Variants in FARP2 observed in about 807,000 individuals in gnomAD.
The protein encoded by FARP2 is FERM, ARHGEF and pleckstrin domain-containing protein 2.
In FARP2, 111 loss-of-function variants were observed where a neutral mutation model predicts 130.5. The ratio of observed to expected loss-of-function variants is 0.85; its 90% confidence interval spans 0.73 to 1.00. The LOEUF (loss-of-function observed/expected upper bound fraction) is 1.00. FARP2 is among the 50% of genes least tolerant of loss of function. FARP2 has a pLI of 0.00. For missense variants in FARP2, 1,385 were observed against 1,346.3 expected (o/e 1.03, Z -0.45); for synonymous variants, 504 against 516.9 (o/e 0.98, Z 0.34).
chr2:241,476,175 C>A (rs531923121), intron 19 of FARP2, among the ~76,000 whole-genome samples, 188 bp downstream of exon 19: 1 of 144,058 alleles, frequency 6.9e-6, no homozygotes, highest in Admixed American at 7.1e-5. Flanking sequence ...GAGTTCAAGA[C>A]CAGACTGAGC....
intron 8 of FARP2, among the ~76,000 whole-genome samples, chr2:241,425,385 T>C (rs1409564816): frequency 6.6e-6 from 1 of 151,500 alleles, no homozygotes; most frequent in Non-Finnish European, 1.5e-5. Context: ...ATCATCAGAG[T>C]GAACAGACAA....
At chr2:241,421,662 G>A (rs919188167) in intron 8 of FARP2, among the ~76,000 whole-genome samples, 1 of 152,184 alleles carries the variant, frequency 6.6e-6, no homozygotes, top group Non-Finnish European at 1.5e-5. Flanking sequence ...CTCCTGACTG[G>A]GTGAGCCACC....
At chr2:241,493,666 C>T in intron 26 of FARP2, 1 of 572,958 alleles carries the variant, frequency 1.7e-6, no homozygotes. Context: ...ACAATCTTGG[C>T]TCACTATAAC....
At chr2:241,368,624 A>T (rs7560216) in intron 1 of FARP2, among the ~76,000 whole-genome samples, 117,921 of 151,994 alleles carry the variant, frequency 0.78, 46,015 homozygotes, top group Middle Eastern at 0.85. Flanking sequence ...ACCTGCCGGT[A>T]TTCTATTAAT....
At chr2:241,381,584 C>T (rs1466158812) in intron 2 of FARP2, among the ~76,000 whole-genome samples, 1 of 152,176 alleles carries the variant, frequency 6.6e-6, no homozygotes, top group Non-Finnish European at 1.5e-5. Context: ...TGGCACTTCA[C>T]TTCTGGGGGC....
intron 7 of FARP2, among the ~76,000 whole-genome samples, chr2:241,417,178 T>C (rs2062695257): frequency 1.3e-5 from 2 of 149,786 alleles, no homozygotes; most frequent in African/African-American, 4.9e-5. Flanking sequence ...GCACCTGTCG[T>C]CCCAGCTACT....
chr2:241,473,195 G>C (rs2064365246), intron 18 of FARP2, among the ~76,000 whole-genome samples: 1 of 151,484 alleles, frequency 6.6e-6, no homozygotes, highest in East Asian at 2.0e-4. Flanking sequence ...CCTGTTCTGT[G>C]TGGATTCTGT....
chr2:241,469,728 G>A (rs944309174), intron 18 of FARP2, among the ~76,000 whole-genome samples: 34 of 152,184 alleles, frequency 2.2e-4, no homozygotes, highest in Non-Finnish European at 3.2e-4. Context: ...GGTTGGCCTG[G>A]GCCCGGGCCA....
intron 8 of FARP2, among the ~76,000 whole-genome samples, chr2:241,419,435 G>A (rs1449246830): frequency 1.3e-5 from 2 of 152,150 alleles, no homozygotes; most frequent in East Asian, 1.9e-4. Flanking sequence ...GTAAAAGCAA[G>A]GGATTAGAAA....
chr2:241,435,966 G>A (rs1178225674), intron 11 of FARP2, among the ~76,000 whole-genome samples: 1 of 135,214 alleles, frequency 7.4e-6, no homozygotes, highest in East Asian at 2.3e-4. Context: ...AGGCTGGAGT[G>A]CAGTAGTGTG....
intron 19 of FARP2, among the ~76,000 whole-genome samples, chr2:241,479,750 C>T (rs1194380248): frequency 1.3e-5 from 2 of 152,206 alleles, no homozygotes; most frequent in African/African-American, 2.4e-5. Flanking sequence ...CCTTGTCCCC[C>T]ACTCTGTGGG....
intron 8 of FARP2, among the ~76,000 whole-genome samples, chr2:241,422,820 A>G (rs576837236): frequency 5.3e-5 from 8 of 152,332 alleles, no homozygotes; most frequent in African/African-American, 1.2e-4. Context: ...TCACATTGCA[A>G]TCACAAGTAT....
chr2:241,382,290 C>CTCTTTTTTTTTTTTTTTTTTTTT lies in FARP2; in HGVS notation c.183+9001_183+9002insCTTTTTTTTTTTTTTTTTTTTTT, dbSNP rs1553709361. Among the ~76,000 whole-genome samples, 4 of 127,198 alleles carry CTCTTTTTTTTTTTTTTTTTTTTT rather than the reference C, an allele frequency of 3.1e-5. 1 individual carries two copies. The allele number at this position is 127,198 out of a possible 152,430, so 83.4% of individuals were successfully genotyped here. A position where few individuals can be genotyped will look rare whatever the true frequency, so the allele number is the denominator to read the frequency against. ...TATTTTCAGTTTCTCTGTACAAAAT[C>CTCTTTTTTTTTTTTTTTTTTTTT]TATTTTTTTTTTTTTTTTTTTTGAG... is the stretch of plus-strand genomic sequence containing the variant. On this transcript the variant is annotated intron_variant, in intron 2 of 26. Coordinates refer to ENST00000264042, the MANE Select transcript of FARP2 (RefSeq NM_014808.4).
At chr2:241,377,686 C>A (rs116703149) in intron 2 of FARP2, among the ~76,000 whole-genome samples, 58 of 152,292 alleles carry the variant, frequency 3.8e-4, no homozygotes, top group African/African-American at 1.4e-3. Context: ...TATAATACCT[C>A]ATACAATGGA....
At chr2:241,404,445 A>C (rs1341797222) in intron 3 of FARP2, among the ~76,000 whole-genome samples, 1 of 152,186 alleles carries the variant, frequency 6.6e-6, no homozygotes, top group Admixed American at 6.5e-5. Context: ...TCTTTTTTGC[A>C]GAAGCCCGCT....
intron 9 of FARP2, among the ~76,000 whole-genome samples, chr2:241,432,620 T>A (rs1022854174): frequency 6.6e-6 from 1 of 152,208 alleles, no homozygotes; most frequent in African/African-American, 2.4e-5. Flanking sequence ...GGAGTAAATA[T>A]TCCCTTCTTT....
At chr2:241,465,783 C>CGCCTG in intron 17 of FARP2, 1 of 1,550,412 alleles carries the variant, frequency 6.4e-7, no homozygotes, top group Non-Finnish European at 8.7e-7. Context: ...CTCCATCCCT[C>CGCCTG]GCCTGTCCCA....
intron 2 of FARP2, among the ~76,000 whole-genome samples, chr2:241,397,101 G>C (rs1028548508): frequency 1.3e-5 from 2 of 152,090 alleles, no homozygotes; most frequent in African/African-American, 4.8e-5. Context: ...ACCAAACACC[G>C]CATGTTCTCA....
chr2:241,431,797 T>A (rs1164420678), intron 9 of FARP2, 23 bp downstream of exon 9: 18 of 899,618 alleles, frequency 2.0e-5, no homozygotes, highest in Admixed American at 2.9e-5. Flanking sequence ...TTCAACTTTT[T>A]ATTTTTATTT....
Sources: gnomAD v4.1 joint callset for allele counts (sites outside exome capture counted in the v4.1 genomes callset) on GRCh38, gnomAD v4.1.1 for gene constraint, MANE v1.5 for transcripts, NCBI Gene and HGNC (gene_info 2026-07-23, HGNC 2026-07-21) for gene names.